Variants in ANKRD30A observed in about 807,000 individuals in gnomAD.
ANKRD30A encodes the protein ankyrin repeat domain-containing protein 30A.
Under a neutral mutation model 166.3 loss-of-function variants are expected in ANKRD30A, and 170 were observed. The observed-to-expected ratio is 1.02, with a 90% CI of 0.90 to 1.16. The LOEUF is 1.16. ANKRD30A is among the 50% of genes most tolerant of loss of function. The pLI, the probability that ANKRD30A is intolerant of heterozygous loss-of-function variation, is 0.00. For missense variants in ANKRD30A, 1,630 were observed against 1,518.0 expected, an observed-to-expected ratio of 1.07 and a Z score of -1.23; for synonymous variants, 564 against 508.9, an observed-to-expected ratio of 1.11 and a Z score of -1.46.
chr10:37,171,680 T>C (rs2081075477), intron 21 of ANKRD30A, among the ~76,000 whole-genome samples: 1 of 151,220 alleles, frequency 6.6e-6, no homozygotes, highest in Admixed American at 6.6e-5. Flanking sequence ...AAGTTGCACC[T>C]CTGAGTCTTT....
chr10:37,211,862 A>G (rs1199016018), intron 31 of ANKRD30A, among the ~76,000 whole-genome samples: 1 of 151,960 alleles, frequency 6.6e-6, no homozygotes, highest in East Asian at 1.9e-4. Context: ...TGTGGTTTTG[A>G]TTTGCATTTC....
At chr10:37,167,845 C>G (rs1034636012) in intron 19 of ANKRD30A, among the ~76,000 whole-genome samples, 2 of 143,928 alleles carry the variant, frequency 1.4e-5, no homozygotes, top group African/African-American at 5.3e-5. Context: ...TTCAGCTGAA[C>G]TCTTATCCGA....
chr10:37,192,603 A>G (rs1332585897), intron 25 of ANKRD30A, among the ~76,000 whole-genome samples: 3 of 152,080 alleles, frequency 2.0e-5, no homozygotes, highest in Non-Finnish European at 2.9e-5. Context: ...GACAAATTGA[A>G]GAACATAATA....
At chr10:37,251,594 G>T in the ANKRD30A span, among the ~76,000 whole-genome samples, 1 of 151,950 alleles carries the variant, frequency 6.6e-6, no homozygotes. Context: ...GATACTGTGT[G>T]GATCATGTCA....
At chr10:37,257,604 G>T in the ANKRD30A span, among the ~76,000 whole-genome samples, 13 of 151,988 alleles carry the variant, frequency 8.6e-5, no homozygotes, top group Non-Finnish European at 1.6e-4. Context: ...TTGTCTCTTT[G>T]TTCTCATTGG....
chr10:37,153,744 A>G, intron 13 of ANKRD30A, 82 bp downstream of exon 13: 1 of 1,561,466 alleles, frequency 6.4e-7, no homozygotes, highest in East Asian at 2.3e-5. Context: ...TAGTAGCTGA[A>G]GAAAATTACC....
rs200845385 is a variant in ANKRD30A, at chr10:37,141,868, C to T, written c.971C>T (p.Thr324Ile). The T allele has an allele frequency of 7.4e-6, 12 of 1,614,006 alleles. No individual in the cohort carries two copies. Among genetic ancestry groups the T allele is most frequent in the Non-Finnish European group, 2.5e-6 (3 of 1,180,014 alleles). ...PDTAESLVEK[T>I]PDEAASLVEG... ...ACGGCTGAAAGCTTGGTGGAAAAAA[C>T]ACCTGATGAGGCTGCATCCTTGGTG... Residue 324 changes from threonine (T) to isoleucine (I), a missense_variant, in exon 7 of 36, where the codon ACA (threonine) becomes ATA (isoleucine). Thr to Ile is a moderately conservative substitution (Grantham distance 89, BLOSUM62 -1). Coordinates refer to ENST00000361713, the MANE Select transcript of ANKRD30A (RefSeq NM_052997.3).
intron 1 of ANKRD30A, among the ~76,000 whole-genome samples, chr10:37,128,011 C>T (rs1160947048): frequency 6.6e-6 from 1 of 152,022 alleles, no homozygotes; most frequent in East Asian, 1.9e-4. Flanking sequence ...TTTATAAATA[C>T]ATTTCAGTGA....
At chr10:37,140,408 G>C (rs191187858) in intron 6 of ANKRD30A, among the ~76,000 whole-genome samples, 161 of 152,298 alleles carry the variant, frequency 1.1e-3, no homozygotes, top group African/African-American at 3.8e-3. Context: ...GGGTGCCTCA[G>C]TACCAATAGG....
intron 31 of ANKRD30A, among the ~76,000 whole-genome samples, chr10:37,208,762 C>A (rs576327645): frequency 1.3e-5 from 2 of 152,204 alleles, no homozygotes; most frequent in South Asian, 2.1e-4. Flanking sequence ...CCACACCCTC[C>A]AAGGTGATAA....
Position 37,136,641 on chromosome 10 carries a change from T to G in ANKRD30A, c.790T>G (p.Leu264Val), listed in dbSNP as rs541729693. 5.6e-6 allele frequency: 8 copies of G among 1,421,198 alleles called. No homozygotes were observed. Among genetic ancestry groups the G allele is most frequent in the Non-Finnish European group, 6.8e-6 (7 of 1,034,074 alleles). 88.0% of individuals were successfully genotyped at this position (1,421,198 alleles called of 1,614,324 possible). ...HEQIMEYIRK[L>V]SKNHQNTNPE... ...ACAAATTATGGAATATATACGAAAA[T>G]TATCTAAAAATCATCAAAATACCAA... Residue 264 changes from leucine (L) to valine (V), a missense_variant, in exon 6 of 36, where the codon TTA becomes GTA. Around this residue, in one of 4 missense-constraint regions of ANKRD30A, gnomAD observed 904 missense variants for 818.5 expected, o/e 1.10. Coordinates refer to ENST00000361713, the MANE Select transcript of ANKRD30A (RefSeq NM_052997.3).
At chr10:37,195,660 C>T (rs565975572) in intron 27 of ANKRD30A, among the ~76,000 whole-genome samples, 8 of 152,236 alleles carry the variant, frequency 5.3e-5, no homozygotes, top group South Asian at 2.1e-4. Context: ...GTTGGGAGGC[C>T]GTGACTGACA....
At position 37,206,105 on chromosome 10, in the gene ANKRD30A, T is replaced by G. The variant is rs140341214; in HGVS notation, c.2869+4780T>G. The stretch of plus-strand genomic sequence containing the variant: ...CAAGAGAAAGAAACTGGTAGGAAAA[T>G]TTATTTTAAAAAGTGTTGAAGGGAA... On this transcript the variant is annotated intron_variant, in intron 31 of 35. Coordinates refer to ENST00000361713, the MANE Select transcript of ANKRD30A (RefSeq NM_052997.3). 3.8e-3 allele frequency among the ~76,000 whole-genome samples: 576 copies of G among 152,152 alleles called. 3 individuals carry two copies. Among genetic ancestry groups the G allele is most frequent in the African/African-American group, 0.013 (550 of 41,506 alleles).
intron 31 of ANKRD30A, among the ~76,000 whole-genome samples, chr10:37,209,268 G>A (rs1842153073): frequency 6.6e-6 from 1 of 152,120 alleles, no homozygotes; most frequent in African/African-American, 2.4e-5. Flanking sequence ...CTGAGATTGG[G>A]TAATTTATGA....
the ANKRD30A span, among the ~76,000 whole-genome samples, chr10:37,253,211 G>T: frequency 6.6e-6 from 1 of 152,104 alleles, no homozygotes; most frequent in Non-Finnish European, 1.5e-5. Flanking sequence ...ACCCTGCATT[G>T]TCTGATAGAA....
At position 37,142,080 on chromosome 10, in the gene ANKRD30A, A is replaced by G. The variant is rs1247089079; in HGVS notation, c.1183A>G (p.Ile395Val). 1.2e-6 allele frequency: 2 copies of G among 1,613,932 alleles called. No individual in the cohort carries two copies. The highest frequency in any genetic ancestry group is 1.7e-5 in the Admixed American group (1 of 59,990). The change falls in exon 7 of 36, where the codon ATT becomes GTT. Residue 395 changes from isoleucine to valine, a missense_variant. Coordinates refer to ENST00000361713, the MANE Select transcript of ANKRD30A (RefSeq NM_052997.3). ...WEKKEDTPRE[I>V]MSPAKETSEK... ...GAAAAAAGAAGACACACCTAGGGAA[A>G]TTATGAGTCCCGCAAAAGAAACATC...
At chr10:37,252,397 G>A in the ANKRD30A span, among the ~76,000 whole-genome samples, 9 of 152,200 alleles carry the variant, frequency 5.9e-5, no homozygotes, top group East Asian at 1.7e-3. Flanking sequence ...ATAAGATCAG[G>A]TATGTTTTAT....
intron 7 of ANKRD30A, 106 bp from the exon 8 acceptor site, chr10:37,144,889 T>G: frequency 1.9e-6 from 1 of 523,720 alleles, no homozygotes; most frequent in South Asian, 3.6e-5. Flanking sequence ...ATACAGGCTA[T>G]AGAAGTAAGT....
chr10:37,191,695 C>T (rs1840589843), intron 25 of ANKRD30A, among the ~76,000 whole-genome samples: 2 of 151,834 alleles, frequency 1.3e-5, no homozygotes, highest in Non-Finnish European at 2.9e-5. Context: ...GCTTGTTTTT[C>T]ATTTATTTTA....
Sources: gnomAD v4.1 joint callset for allele counts (sites outside exome capture counted in the v4.1 genomes callset) on GRCh38, gnomAD v4.1.1 for gene constraint, gnomAD v4.1.1 regional missense constraint, MANE v1.5 for transcripts, NCBI Gene and HGNC (gene_info 2026-07-23, HGNC 2026-07-21) for gene names.